Variants in SEC31A observed in about 807,000 individuals in gnomAD.
SEC31A encodes the protein protein transport protein Sec31A.
In SEC31A, 70 loss-of-function variants were observed where a neutral mutation model predicts 151.0. That is an observed-to-expected ratio of 0.46 (90% confidence interval 0.38 to 0.57). The LOEUF is 0.57. Among genes scored for constraint, SEC31A ranks in the 20% least tolerant of loss-of-function variants. The pLI is 0.00. For missense variants in SEC31A, 1,330 were observed against 1,471.2 expected (o/e 0.90, Z 1.57); for synonymous variants, 475 against 505.9 (o/e 0.94, Z 0.82).
In SEC31A at chr4:82,880,807, AGAG is replaced by A. The variant is rs757470049; in HGVS notation, c.192_194del (p.Ser66del). The stretch of plus-strand genomic sequence containing the variant: ...AAAGCTGAACCTCATACCTGTGAGA[AGAG>A]GAGAATGTGGCACAAGATTTCATAT... On this transcript the variant is annotated inframe_deletion, in exon 3 of 27. Transcript: ENST00000395310. The A allele has an allele frequency of 8.9e-5, 144 of 1,611,310 alleles. No homozygotes were observed. In the Middle Eastern group the frequency reaches 1.5e-3, roughly 17 times the overall value.
At chr4:82,820,615 T>C (rs979647020) in intron 26 of SEC31A, among the ~76,000 whole-genome samples, 1 of 152,204 alleles carries the variant, frequency 6.6e-6, no homozygotes, top group African/African-American at 2.4e-5. Flanking sequence ...GCTTTGCTTT[T>C]GTATAATGGC....
At chr4:82,885,749 C>T (rs549566173) in intron 1 of SEC31A, among the ~76,000 whole-genome samples, 61 of 152,226 alleles carry the variant, frequency 4.0e-4, no homozygotes, top group African/African-American at 1.4e-3. Context: ...ATAATCAATC[C>T]CTTACATTAT....
chr4:82,842,350 T>C lies in SEC31A; in HGVS notation c.2758A>G (p.Thr920Ala), dbSNP rs762559522. 6.2e-7 allele frequency: 1 copy of C among 1,613,430 alleles called. No individual in the cohort carries two copies. Among genetic ancestry groups the C allele is most frequent in the African/African-American group, 1.3e-5 (1 of 74,840 alleles). Residue 920 changes from threonine (T) to alanine (A), a missense_variant, in exon 22 of 27, where the codon ACT becomes GCT. Coordinates refer to ENST00000395310, the MANE Select transcript of SEC31A (RefSeq NM_001077207.4). ...TPYISSASSY[T>A]GQSQLYAAQH... ...GCTGCGTACAGCTGAGACTGCCCAGTATAGGAAGAAGCAGAAGATATGTAA... is the reference window on the plus strand; with the variant it reads ...GCTGCGTACAGCTGAGACTGCCCAGCATAGGAAGAAGCAGAAGATATGTAA...
At chr4:82,826,357 T>TTTG (rs57791353) in intron 24 of SEC31A, among the ~76,000 whole-genome samples, 28,112 of 152,068 alleles carry the variant, frequency 0.18, 2,861 homozygotes, top group South Asian at 0.34. Flanking sequence ...ATTATCTCTT[T>TTTG]TTGTTGTTGT....
At chr4:82,839,029 G>C (rs1264886160) in intron 22 of SEC31A, among the ~76,000 whole-genome samples, 1 of 152,192 alleles carries the variant, frequency 6.6e-6, no homozygotes, top group Non-Finnish European at 1.5e-5. Context: ...CCAGGCTGGG[G>C]TGCAGTGGCA....
At chr4:82,855,619 A>G (rs1160842491) in intron 16 of SEC31A, among the ~76,000 whole-genome samples, 1 of 152,234 alleles carries the variant, frequency 6.6e-6, no homozygotes, top group Non-Finnish European at 1.5e-5. Context: ...ACAAAAAAGA[A>G]TGAGATCGTG....
intron 22 of SEC31A, among the ~76,000 whole-genome samples, chr4:82,838,002 C>A (rs2149169027): frequency 6.6e-6 from 1 of 152,146 alleles, no homozygotes; most frequent in Admixed American, 6.5e-5. Flanking sequence ...TCCCTATAAG[C>A]CTAGCATGTC....
In SEC31A at chr4:82,848,965, G is replaced by T; in HGVS notation, c.2341C>A (p.Gln781Lys). The T allele has an allele frequency of 6.2e-7, 1 of 1,612,942 alleles. No individual in the cohort carries two copies. Among genetic ancestry groups the T allele is most frequent in the Non-Finnish European group, 8.5e-7 (1 of 1,179,592 alleles). The change falls in exon 20 of 27, where the codon CAG (glutamine) becomes AAG (lysine). Residue 781 changes from glutamine (Q) to lysine (K), a missense_variant. By Grantham distance (53) the Gln-to-Lys change is moderately conservative. Coordinates refer to ENST00000395310, the MANE Select transcript of SEC31A (RefSeq NM_001077207.4). ...PDNTNQPNIM[Q>K]LRDRLCRAQG... ...GCTCTACAAAGTCTGTCACGAAGCT[G>T]CATGATATTTGGCTAAAAAGGATTG...
At chr4:82,848,501 A>T (rs1730725810) in intron 20 of SEC31A, among the ~76,000 whole-genome samples, 1 of 152,204 alleles carries the variant, frequency 6.6e-6, no homozygotes, top group Non-Finnish European at 1.5e-5. Flanking sequence ...AATCAAATAG[A>T]AATTTTAATA....
chr4:82,847,339 T>C (rs1730457041), intron 20 of SEC31A, among the ~76,000 whole-genome samples: 1 of 152,246 alleles, frequency 6.6e-6, no homozygotes, highest in African/African-American at 2.4e-5. Context: ...ATTCATTCAG[T>C]ACATCTTAAG....
chr4:82,838,695 T>C (rs1436753136), intron 22 of SEC31A, among the ~76,000 whole-genome samples: 1 of 152,260 alleles, frequency 6.6e-6, no homozygotes, highest in Non-Finnish European at 1.5e-5. Flanking sequence ...TATGTTCAAT[T>C]TGCTCTTCAC....
chr4:82,847,073 T>G lies in SEC31A; in HGVS notation c.2502+1731A>C, dbSNP rs568393658. On this transcript the variant is annotated intron_variant, in intron 20 of 26. Transcript: ENST00000395310. The stretch of plus-strand genomic sequence containing the variant: ...TAAATACAACATATAAATTGTGTGT[T>G]AATGGACTGTTCATGTTATCAGCAA... Among the ~76,000 whole-genome samples, 38 of 152,348 alleles carry G rather than the reference T, an allele frequency of 2.5e-4. No homozygotes were observed. In the South Asian group the frequency reaches 7.9e-3, roughly 32 times the overall value.
chr4:82,819,024 C>G lies in SEC31A; in HGVS notation c.*50G>C. Reference sequence around the variant, plus strand: ...CATGTCTTATAATTTTTTTTTTTAACATGTTTCTTTGGAAAAATGGCAATA... The same window carrying G: ...CATGTCTTATAATTTTTTTTTTTAAGATGTTTCTTTGGAAAAATGGCAATA... On this transcript the variant is annotated 3_prime_UTR_variant, in exon 27 of 27. Transcript: ENST00000395310. 6.7e-7 allele frequency: 1 copy of G among 1,482,502 alleles called. No individual in the cohort carries two copies. The highest frequency in any genetic ancestry group is 9.1e-7 in the Non-Finnish European group (1 of 1,101,778). The allele number at this position is 1,482,502 out of a possible 1,614,324, so 91.8% of individuals were successfully genotyped here.
chr4:82,880,686 G>A, intron 3 of SEC31A, 113 bp downstream of exon 3: 1 of 860,532 alleles, frequency 1.2e-6, no homozygotes, highest in Admixed American at 2.9e-5. Flanking sequence ...AATATTTCAT[G>A]TTCTTGATGG....
chr4:82,837,440 G>A (rs1176451697), intron 22 of SEC31A, among the ~76,000 whole-genome samples: 4 of 151,762 alleles, frequency 2.6e-5, no homozygotes, highest in African/African-American at 9.7e-5. Flanking sequence ...TCTCACTGCC[G>A]CCTAGGTGCG....
chr4:82,853,837 A>T, intron 17 of SEC31A, 122 bp from the exon 18 acceptor site: 1 of 668,844 alleles, frequency 1.5e-6, no homozygotes, highest in Non-Finnish European at 2.4e-6. Context: ...AATAGCATAG[A>T]GAAACAAAAT....
At chr4:82,891,357 G>A (rs1054513503), upstream of SEC31A, 13 of 632,764 alleles carry the variant, frequency 2.1e-5, no homozygotes, top group African/African-American at 5.6e-5. Context: ...GGCGCTCTGC[G>A]GTCATCGCGC....
chr4:82,853,635 T>C lies in SEC31A; in HGVS notation c.2089A>G (p.Asn697Asp). The C allele has an allele frequency of 1.2e-6, 2 of 1,604,914 alleles. No homozygotes were observed. Among genetic ancestry groups the C allele is most frequent in the Non-Finnish European group, 8.5e-7 (1 of 1,177,770 alleles). ...QACLCYICAGNVEKLVACWTK... is the reference protein window; with the variant it reads ...QACLCYICAGDVEKLVACWTK... ...CAACATGCAACTAATTTCTCTACATTCCCTGCACAAATATAGCAGAGACAT... is the reference window on the plus strand; with the variant it reads ...CAACATGCAACTAATTTCTCTACATCCCCTGCACAAATATAGCAGAGACAT... The change falls in exon 18 of 27, where the codon AAT (asparagine) becomes GAT (aspartate). Residue 697 changes from asparagine (N) to aspartate (D), a missense_variant. Physicochemically the swap from Asn to Asp is conservative, Grantham distance 23 (BLOSUM62 1). Coordinates refer to ENST00000395310, the MANE Select transcript of SEC31A (RefSeq NM_001077207.4).
At chr4:82,858,414 T>G (rs1163704404) in intron 14 of SEC31A, among the ~76,000 whole-genome samples, 3 of 151,278 alleles carry the variant, frequency 2.0e-5, no homozygotes, top group Non-Finnish European at 4.4e-5. Context: ...GGCAGTGGTG[T>G]GCACCTGTAG....
Sources: allele counts gnomAD v4.1 joint callset (sites outside exome capture counted in the v4.1 genomes callset), GRCh38; gene constraint gnomAD v4.1.1; transcripts MANE v1.5; gene names NCBI Gene and HGNC (gene_info 2026-07-23, HGNC 2026-07-21).